Variants in ANXA1 observed in about 807,000 individuals in gnomAD.
The protein encoded by ANXA1 is annexin A1, also known as annexin I (lipocortin I).
Under a neutral mutation model 47.9 loss-of-function variants are expected in ANXA1, and 39 were observed. That is an observed-to-expected ratio of 0.81 (90% confidence interval 0.63 to 1.06). The LOEUF (loss-of-function observed/expected upper bound fraction) is 1.06, where lower values mean the gene tolerates loss of function less well. ANXA1 is among the 50% of genes least tolerant of loss of function. The pLI is 0.00. For missense variants in ANXA1, 446 were observed against 422.7 expected (o/e 1.06, Z -0.48); for synonymous variants, 146 against 142.5 (o/e 1.02, Z -0.17).
At chr9:73,160,176 A>C in intron 4 of ANXA1, 87 bp from the exon 5 acceptor site, 1 of 854,598 alleles carries the variant, frequency 1.2e-6, no homozygotes, top group Non-Finnish European at 1.8e-6. Context: ...GATGAGTTGT[A>C]CGATGACCTA....
chr9:73,152,780 G>GT (rs1257101663), intron 1 of ANXA1, among the ~76,000 whole-genome samples: 3 of 152,142 alleles, frequency 2.0e-5, no homozygotes, highest in Admixed American at 6.5e-5. Flanking sequence ...ATTTACTAGT[G>GT]TTGGATATAT....
At chr9:73,157,926 G>A (rs73491639) in intron 1 of ANXA1, 1 of 152,216 alleles carries the variant, frequency 6.6e-6, no homozygotes, top group African/African-American at 2.4e-5. Context: ...GAAGCTTCTT[G>A]TTTCAGCTTC....
rs780939771 is a variant in ANXA1 at position 73,166,060 on chromosome 9, T to A, written c.707-37T>A. 2.7e-6 allele frequency: 4 copies of A among 1,483,354 alleles called. No homozygotes were observed. The South Asian group carries it at 4.8e-5, about 18-fold the overall frequency. 91.9% of individuals were successfully genotyped at this position (1,483,354 alleles called of 1,614,324 possible). A position where few individuals can be genotyped will look rare whatever the true frequency, so the allele number is the denominator to read the frequency against. ...TGCTAAAGCTTTCTAAAGAAAAGGA[T>A]GTTTTGCATGTATCTTAGTTTGAAT... On this transcript the variant is annotated intron_variant, in intron 9 of 12. Transcript: ENST00000257497.
intron 1 of ANXA1, among the ~76,000 whole-genome samples, chr9:73,152,466 A>C (rs931290801): frequency 8.5e-5 from 13 of 152,334 alleles, no homozygotes; most frequent in African/African-American, 1.7e-4. Flanking sequence ...CTTTGTAATA[A>C]ACATTTAAAA....
chr9:73,157,285 T>G (rs1824062856), intron 1 of ANXA1, among the ~76,000 whole-genome samples: 1 of 152,176 alleles, frequency 6.6e-6, no homozygotes, highest in African/African-American at 2.4e-5. Flanking sequence ...AAATATCACC[T>G]GGATATCTTT....
Position 73,165,294 on chromosome 9 carries a change from G to A in ANXA1, c.706+85G>A, listed in dbSNP as rs562545057. ...TGACAAATAAGAGAAAGTAAAAACAGAACCCTTTTTCAATATCACTCCTGT... is the reference window on the plus strand; with the variant it reads ...TGACAAATAAGAGAAAGTAAAAACAAAACCCTTTTTCAATATCACTCCTGT... On this transcript the variant is annotated intron_variant, in intron 9 of 12. Transcript: ENST00000257497. 16 of 1,088,722 alleles carry A rather than the reference G, an allele frequency of 1.5e-5. No individual in the cohort carries two copies. The South Asian group carries it at 2.2e-4, about 15-fold the overall frequency. 67.4% of individuals were successfully genotyped at this position (1,088,722 alleles called of 1,614,324 possible).
At chr9:73,159,282 A>T in intron 3 of ANXA1, 47 bp from the exon 4 acceptor site, 2 of 1,413,366 alleles carry the variant, frequency 1.4e-6, no homozygotes, top group South Asian at 1.2e-5. Context: ...ATGTCAATTG[A>T]TGATGAAGAA....
chr9:73,161,797 CAT>C (rs1352638348), intron 6 of ANXA1, among the ~76,000 whole-genome samples: 1 of 152,034 alleles, frequency 6.6e-6, no homozygotes, highest in African/African-American at 2.4e-5. Flanking sequence ...TTTGATAAAA[CAT>C]AGTTTATAAA....
intron 1 of ANXA1, among the ~76,000 whole-genome samples, chr9:73,157,174 T>G (rs905607274): frequency 6.6e-6 from 1 of 152,188 alleles, no homozygotes; most frequent in Non-Finnish European, 1.5e-5. Flanking sequence ...GGACTACTAT[T>G]TAGACAGCTC....
intron 8 of ANXA1, among the ~76,000 whole-genome samples, chr9:73,164,598 AT>A (rs1387794282): frequency 1.3e-5 from 2 of 152,096 alleles, no homozygotes. Flanking sequence ...TAGGGCAGGG[AT>A]TATATTTTTC....
Position 73,170,049 on chromosome 9 carries a change from A to C in ANXA1, c.985-2A>C. The C allele has an allele frequency of 6.2e-7, 1 of 1,601,210 alleles. No individual in the cohort carries two copies. The highest frequency in any genetic ancestry group is 8.5e-7 in the Non-Finnish European group (1 of 1,174,076). On this transcript the variant is annotated splice_acceptor_variant, in intron 12 of 12. Coordinates refer to ENST00000257497, the MANE Select transcript of ANXA1 (RefSeq NM_000700.3). LOFTEE classifies it high-confidence loss of function. ...TAAGTATACCTTTTTTTGAATCAAC[A>C]GGATGAAACCAAAGGAGATTATGAG...
rs1824301442 is a variant in ANXA1 at position 73,170,247 on chromosome 9, T to A, written c.*140T>A. ...CTGAAAAATATAGCCTTTAAATCAT[T>A]TTTATATTATAACTCTGTATAATAG... On this transcript the variant is annotated 3_prime_UTR_variant, in exon 13 of 13. Coordinates refer to ENST00000257497, the MANE Select transcript of ANXA1 (RefSeq NM_000700.3). 1 of 568,206 alleles carries A rather than the reference T, an allele frequency of 1.8e-6. No homozygotes were observed. The highest frequency in any genetic ancestry group is 2.9e-6 in the Non-Finnish European group (1 of 339,708). 35.2% of individuals were successfully genotyped at this position (568,206 alleles called of 1,614,324 possible).
intron 8 of ANXA1, among the ~76,000 whole-genome samples, chr9:73,164,467 C>T (rs1439057942): frequency 6.6e-6 from 1 of 152,094 alleles, no homozygotes; most frequent in Non-Finnish European, 1.5e-5. Context: ...TCTGAATTTG[C>T]TTTCCATTTT....
At chr9:73,157,861 A>G (rs1824073960) in intron 1 of ANXA1, 1 of 152,178 alleles carries the variant, frequency 6.6e-6, no homozygotes, top group Non-Finnish European at 1.5e-5. Flanking sequence ...CTTTAAAAAA[A>G]CAAACAAACA....
intron 1 of ANXA1, among the ~76,000 whole-genome samples, chr9:73,156,792 C>T (rs935593016): frequency 4.6e-5 from 7 of 152,156 alleles, no homozygotes; most frequent in African/African-American, 1.7e-4. Context: ...ACCTCTCTCA[C>T]AAACATTCAT....
At chr9:73,158,452 A>G in intron 1 of ANXA1, 70 bp from the exon 2 acceptor site, 1 of 1,160,164 alleles carries the variant, frequency 8.6e-7, no homozygotes, top group Non-Finnish European at 1.3e-6. Context: ...TATGTATGTA[A>G]GAGGTGAGGA....
chr9:73,165,316 C>T, intron 9 of ANXA1, 107 bp downstream of exon 9: 1 of 782,766 alleles, frequency 1.3e-6, no homozygotes, highest in Middle Eastern at 2.7e-4. Flanking sequence ...AATATCACTC[C>T]TGTATCAAAC....
intron 10 of ANXA1, 130 bp downstream of exon 10, chr9:73,166,322 T>A: frequency 1.6e-6 from 1 of 638,870 alleles, no homozygotes; most frequent in South Asian, 2.1e-5. Context: ...GTAGTGCATC[T>A]GTTTCAATTG....
intron 12 of ANXA1, 138 bp downstream of exon 12, chr9:73,169,292 G>A (rs970451041): frequency 1.1e-6 from 1 of 931,512 alleles, no homozygotes; most frequent in Non-Finnish European, 1.5e-6. Flanking sequence ...TATACTTCAT[G>A]AGTAAATTGA....
Sources: allele counts gnomAD v4.1 joint callset (sites outside exome capture counted in the v4.1 genomes callset), GRCh38; gene constraint gnomAD v4.1.1; transcripts MANE v1.5; gene names NCBI Gene and HGNC (gene_info 2026-07-23, HGNC 2026-07-21).